Variants in THSD7A observed in about 807,000 individuals in gnomAD.
THSD7A encodes the protein thrombospondin type-1 domain-containing protein 7A.
In THSD7A, 96 loss-of-function variants were observed where a neutral mutation model predicts 231.3. That is an observed-to-expected ratio of 0.41 (90% CI 0.35 to 0.49). The LOEUF (loss-of-function observed/expected upper bound fraction) is 0.49. Among genes scored for constraint, THSD7A ranks in the 20% least tolerant of loss-of-function variants. The probability of loss-of-function intolerance (pLI) is 0.05; values close to 1 mark genes in which losing one functional copy is unlikely to be tolerated. For missense variants in THSD7A, 2,290 were observed against 2,070.2 expected, an observed-to-expected ratio of 1.11 and a Z score of -2.06; for synonymous variants, 940 against 743.3, an observed-to-expected ratio of 1.26 and a Z score of -4.30.
chr7:11,572,677 A>T (rs544033004), intron 4 of THSD7A, among the ~76,000 whole-genome samples: 1 of 151,284 alleles, frequency 6.6e-6, no homozygotes, highest in South Asian at 2.1e-4. Context: ...CCAGCAAATT[A>T]ATTTTTTTTT....
chr7:11,679,133 T>G (rs951705958), intron 1 of THSD7A, among the ~76,000 whole-genome samples: 3 of 152,162 alleles, frequency 2.0e-5, no homozygotes, highest in African/African-American at 7.2e-5. Flanking sequence ...AAAAGGCCTT[T>G]GATAAAATTC....
chr7:11,497,886 A>G, intron 6 of THSD7A, among the ~76,000 whole-genome samples: 1 of 152,118 alleles, frequency 6.6e-6, no homozygotes, highest in East Asian at 1.9e-4. Flanking sequence ...CTGCCCAGGG[A>G]AGTGATGAGT....
At chr7:11,427,242 A>C (rs1784349452) in intron 14 of THSD7A, among the ~76,000 whole-genome samples, 1 of 152,228 alleles carries the variant, frequency 6.6e-6, no homozygotes, top group African/African-American at 2.4e-5. Flanking sequence ...ACATTAACAC[A>C]AAACTTTACA....
intron 1 of THSD7A, among the ~76,000 whole-genome samples, chr7:11,711,563 A>C (rs1780966872): frequency 6.6e-6 from 1 of 151,192 alleles, no homozygotes; most frequent in East Asian, 2.0e-4. Flanking sequence ...GGCATCAGCT[A>C]TCAGATAAAA....
intron 9 of THSD7A, among the ~76,000 whole-genome samples, chr7:11,465,963 T>A (rs1785689204): frequency 6.6e-6 from 1 of 152,114 alleles, no homozygotes; most frequent in African/African-American, 2.4e-5. Flanking sequence ...GTCTCAGGAT[T>A]AAACTACACT....
At chr7:11,383,621 T>A (rs1266833498) in intron 23 of THSD7A, among the ~76,000 whole-genome samples, 2 of 151,998 alleles carry the variant, frequency 1.3e-5, no homozygotes, top group Non-Finnish European at 2.9e-5. Flanking sequence ...AGATTTTAAT[T>A]TTTTTTGGTT....
At chr7:11,690,025 A>C (rs564741434) in intron 1 of THSD7A, among the ~76,000 whole-genome samples, 1 of 151,930 alleles carries the variant, frequency 6.6e-6, no homozygotes, top group South Asian at 2.1e-4. Context: ...TGTGAACCTA[A>C]GTACTCAATA....
At position 11,452,770 on chromosome 7, in the gene THSD7A, G is replaced by C. The variant is rs1373615158; in HGVS notation, c.2606-5346C>G. Among the ~76,000 whole-genome samples, 7 of 152,066 alleles carry C rather than the reference G, an allele frequency of 4.6e-5. No individual in the cohort carries two copies. The South Asian group carries it at 6.2e-4, about 14-fold the overall frequency. ...TAAGCATTTTATGACAGATCTCCCA[G>C]AGAGATATAAAACGAAACCCAAAAC... On this transcript the variant is annotated intron_variant, in intron 11 of 27. Transcript: ENST00000423059.
chr7:11,744,968 T>C (rs1217556619), intron 1 of THSD7A, among the ~76,000 whole-genome samples: 1 of 152,032 alleles, frequency 6.6e-6, no homozygotes, highest in African/African-American at 2.4e-5. Flanking sequence ...AGTAATGGGA[T>C]GGCTGGGTCA....
intron 2 of THSD7A, among the ~76,000 whole-genome samples, chr7:11,617,749 G>C (rs1165826747): frequency 6.6e-6 from 1 of 152,060 alleles, no homozygotes; most frequent in South Asian, 2.1e-4. Flanking sequence ...ATCATTCTGA[G>C]CAATCTATCA....
chr7:11,382,176 C>CA (rs1030593282), intron 24 of THSD7A, among the ~76,000 whole-genome samples: 8 of 151,796 alleles, frequency 5.3e-5, no homozygotes, highest in Non-Finnish European at 1.0e-4. Flanking sequence ...AGCAGAAAGT[C>CA]AAAAAAATTG....
intron 1 of THSD7A, among the ~76,000 whole-genome samples, chr7:11,804,004 G>A (rs1350904161): frequency 6.6e-6 from 1 of 152,082 alleles, no homozygotes; most frequent in East Asian, 1.9e-4. Context: ...ATTATCATAA[G>A]ATAATTAAAT....
At chr7:11,630,970 C>T (rs145353718) in intron 2 of THSD7A, among the ~76,000 whole-genome samples, 73 of 152,288 alleles carry the variant, frequency 4.8e-4, no homozygotes, top group African/African-American at 1.7e-3. Flanking sequence ...ACTCCTCCTC[C>T]ATTCTACCTT....
chr7:11,586,923 C>T (rs1182265697), intron 4 of THSD7A, among the ~76,000 whole-genome samples: 1 of 152,088 alleles, frequency 6.6e-6, no homozygotes, highest in Non-Finnish European at 1.5e-5. Context: ...AACCCTCAAT[C>T]CCACAGACAA....
chr7:11,499,258 T>C (rs1206671329), intron 6 of THSD7A, among the ~76,000 whole-genome samples: 3 of 152,160 alleles, frequency 2.0e-5, no homozygotes, highest in African/African-American at 7.2e-5. Context: ...AAACCTTCCA[T>C]CTTGGGCTGA....
intron 1 of THSD7A, among the ~76,000 whole-genome samples, chr7:11,672,237 A>AT (rs1328886234): frequency 1.3e-5 from 2 of 151,748 alleles, no homozygotes; most frequent in African/African-American, 4.8e-5. Context: ...TCCTTATAAG[A>AT]TTTTTTGTTG....
chr7:11,829,763 A>T (rs1020953778), intron 1 of THSD7A, among the ~76,000 whole-genome samples: 2 of 151,818 alleles, frequency 1.3e-5, no homozygotes, highest in South Asian at 2.1e-4. Context: ...ACTACGTTCA[A>T]CTCCTTTACA....
chr7:11,510,838 G>C lies in THSD7A; in HGVS notation c.1823-28856C>G, dbSNP rs1018836295. Among the ~76,000 whole-genome samples the C allele has an allele frequency of 3.3e-5, 5 of 152,160 alleles. No individual in the cohort carries two copies. In the East Asian group the frequency reaches 9.7e-4, roughly 30 times the overall value. On this transcript the variant is annotated intron_variant, in intron 6 of 27. Transcript: ENST00000423059. ...ATATGGGTCTGTCATAAATGAATGG[G>C]CAAAAACTGGAAGCATTCCCTTTGA...
intron 1 of THSD7A, among the ~76,000 whole-genome samples, chr7:11,818,728 C>G (rs1221207113): frequency 6.6e-6 from 1 of 152,224 alleles, no homozygotes; most frequent in South Asian, 2.1e-4. Flanking sequence ...GAAAATCTCA[C>G]CAGCTTGCAG....
Sources: allele counts gnomAD v4.1 joint callset (sites outside exome capture counted in the v4.1 genomes callset), GRCh38; gene constraint gnomAD v4.1.1; transcripts MANE v1.5; gene names NCBI Gene and HGNC (gene_info 2026-07-23, HGNC 2026-07-21).